AGAP4: variants seen among roughly 807,000 people sequenced by gnomAD.
AGAP4 encodes arf-GAP with GTPase, ANK repeat and PH domain-containing protein 4.
In AGAP4, 13 loss-of-function variants were observed where a neutral mutation model predicts 60.7. The ratio of observed to expected loss-of-function variants is 0.21; its 90% confidence interval spans 0.14 to 0.34. The LOEUF is 0.34. Ranked by LOEUF, AGAP4 falls within the 10% of genes least tolerant of loss-of-function variation. The probability of loss-of-function intolerance (pLI) is 1.00; values close to 1 mark genes in which losing one functional copy is unlikely to be tolerated. For synonymous variants in AGAP4, 70 were observed against 339.0 expected (o/e 0.21, Z 8.72); for missense variants, 169 against 884.0 (o/e 0.19, Z 10.26).
chr10:45,853,827 C>T, exon 1 of AGAP4: 2 of 1,283,910 alleles, frequency 1.6e-6, no homozygotes, highest in South Asian at 1.2e-5. Flanking sequence ...TTATGATCCT[C>T]TGCAGATGGG....
chr10:45,850,838 G>T (rs1286115460), upstream of AGAP4, among the ~76,000 whole-genome samples: 2 of 151,888 alleles, frequency 1.3e-5, no homozygotes, highest in Non-Finnish European at 2.9e-5. Flanking sequence ...TTTACTCTCA[G>T]TGTCACATTA....
At chr10:45,838,755 T>C (rs1369930217) in intron 4 of AGAP4, among the ~76,000 whole-genome samples, 2 of 151,596 alleles carry the variant, frequency 1.3e-5, no homozygotes, top group Non-Finnish European at 2.9e-5. Context: ...TTTAACCTTT[T>C]TGTAGATATG....
chr10:45,846,800 A>G (rs2059006418), intron 1 of AGAP4, 45 bp from the exon 2 acceptor site: 1 of 716,358 alleles, frequency 1.4e-6, no homozygotes, highest in South Asian at 1.9e-5. Context: ...AATCATTTAT[A>G]AAAATTTATC....
intron 4 of AGAP4, among the ~76,000 whole-genome samples, chr10:45,840,166 G>C (rs1373732269): frequency 6.8e-6 from 1 of 147,436 alleles, no homozygotes; most frequent in Admixed American, 6.7e-5. Context: ...AAAAGCTTCC[G>C]CAGATAACTA....
chr10:45,851,410 A>G (rs1249836347), upstream of AGAP4, among the ~76,000 whole-genome samples: 1 of 152,046 alleles, frequency 6.6e-6, no homozygotes, highest in African/African-American at 2.4e-5. Context: ...AACATGTATT[A>G]TCCCAATGCA....
chr10:45,839,549 T>G (rs1300161687), intron 4 of AGAP4, among the ~76,000 whole-genome samples: 1 of 129,674 alleles, frequency 7.7e-6, no homozygotes, highest in African/African-American at 2.8e-5. Context: ...CTGCTTTTCC[T>G]TTCCAGGCCT....
chr10:45,831,959 G>T (rs2058738928), intron 5 of AGAP4, among the ~76,000 whole-genome samples: 1 of 146,474 alleles, frequency 6.8e-6, no homozygotes, highest in Admixed American at 6.9e-5. Context: ...GCCCAGGCTG[G>T]AGTGCAATGG....
chr10:45,848,578 G>A (rs1419957273), upstream of AGAP4, among the ~76,000 whole-genome samples: 17,394 of 151,878 alleles, frequency 0.11, 1,132 homozygotes, highest in Non-Finnish European at 0.14. Flanking sequence ...AAGTTGTTGA[G>A]ACGGAGAAGG....
chr10:45,854,561 G>C (rs2059118346), upstream of AGAP4: 1 of 146,914 alleles, frequency 6.8e-6, no homozygotes, highest in African/African-American at 2.5e-5. Context: ...TTGAACCTGG[G>C]AGGCAGAGGT....
chr10:45,831,916 G>T (rs1208452794), intron 5 of AGAP4, among the ~76,000 whole-genome samples: 1 of 148,056 alleles, frequency 6.8e-6, no homozygotes, highest in African/African-American at 2.5e-5. Context: ...ATGTTTTTTT[G>T]GGGGGTGGGG....
At chr10:45,852,284 A>G (rs1554900552), upstream of AGAP4, among the ~76,000 whole-genome samples, 1 of 145,152 alleles carries the variant, frequency 6.9e-6, no homozygotes, top group Admixed American at 6.8e-5. Flanking sequence ...AAAAGTCTAC[A>G]CTTCTTGATA....
At chr10:45,844,532 A>C in intron 2 of AGAP4, 138 bp from the exon 3 acceptor site, 2 of 1,462,742 alleles carry the variant, frequency 1.4e-6, no homozygotes, top group Admixed American at 2.3e-5. Flanking sequence ...ATGTATAGAC[A>C]TAAGAGAGAG....
At chr10:45,853,517 T>G in intron 1 of AGAP4, 3 of 1,091,714 alleles carry the variant, frequency 2.7e-6, no homozygotes, top group Non-Finnish European at 3.5e-6. Context: ...CACAATGACA[T>G]GTCAGCCAAA....
In AGAP4 at chr10:45,826,607, G is replaced by A; in HGVS notation, c.1369C>T (p.Gln457Ter). ...QSCESSKSKS[Q>*]LTSQSKAMAL... ...ATGGCCTTGCTCTGGCTGGTCAGCTGGGACTTGCTTTTACTGCTCTCGCAT... is the reference window on the plus strand; with the variant it reads ...ATGGCCTTGCTCTGGCTGGTCAGCTAGGACTTGCTTTTACTGCTCTCGCAT... The change falls in exon 8 of 8, where the codon CAG (glutamine) becomes TAG (stop). Residue 457 changes from glutamine (Q) to a stop codon, truncating the protein, a stop_gained. Transcript: ENST00000616763. LOFTEE classifies it high-confidence loss of function. The A allele has an allele frequency of 7.2e-7, 1 of 1,397,218 alleles. No homozygotes were observed. Among genetic ancestry groups the A allele is most frequent in the Non-Finnish European group, 9.7e-7 (1 of 1,033,524 alleles). 86.6% of individuals were successfully genotyped at this position (1,397,218 alleles called of 1,614,324 possible). A position where few individuals can be genotyped will look rare whatever the true frequency, so the allele number is the denominator to read the frequency against.
upstream of AGAP4, among the ~76,000 whole-genome samples, chr10:45,849,541 T>C (rs1344911925): frequency 1.3e-5 from 2 of 151,138 alleles, no homozygotes; most frequent in Non-Finnish European, 2.9e-5. Context: ...TGAAATTGTT[T>C]CTCTAATTTC....
Position 45,845,329 on chromosome 10 carries a change from G to A in AGAP4, c.293-935C>T, listed in dbSNP as rs1381173621. Among the ~76,000 whole-genome samples the A allele has an allele frequency of 8.4e-5, 8 of 94,940 alleles. 2 individuals carry two copies. The highest frequency in any genetic ancestry group is 1.8e-4 in the African/African-American group (4 of 22,494). 62.3% of individuals were successfully genotyped at this position (94,940 alleles called of 152,430 possible). ...GAGCGCAACCAAAGTTTAAATAGAA[G>A]AGCTATAAGACATTTCCTCTACAGT... On this transcript the variant is annotated intron_variant, in intron 2 of 7. Coordinates refer to ENST00000616763, the MANE Select transcript of AGAP4 (RefSeq NM_001276343.3).
chr10:45,849,291 C>A (rs1320522366), upstream of AGAP4, among the ~76,000 whole-genome samples: 2 of 151,610 alleles, frequency 1.3e-5, no homozygotes, highest in African/African-American at 4.8e-5. Flanking sequence ...ACAAGAACAG[C>A]ATGAGGATAA....
rs1173501923 is a variant in AGAP4 at position 45,841,695 on chromosome 10, TAAAAAAA to T, written c.362-15_362-9del. On this transcript the variant is annotated splice_polypyrimidine_tract_variant and intron_variant, in intron 3 of 7. Coordinates refer to ENST00000616763, the MANE Select transcript of AGAP4 (RefSeq NM_001276343.3). The stretch of plus-strand genomic sequence containing the variant: ...TTCTTCTTATTTCTACAACTAAGAA[TAAAAAAA>T]AAAAAACTGGTCACTTCTGATACAA... The T allele has an allele frequency of 4.3e-5, 30 of 697,020 alleles. No homozygotes were observed. The highest frequency in any genetic ancestry group is 5.9e-5 in the Non-Finnish European group (28 of 477,968). The allele number at this position is 697,020 out of a possible 1,614,324, so 43.2% of individuals were successfully genotyped here. A position where few individuals can be genotyped will look rare whatever the true frequency, so the allele number is the denominator to read the frequency against.
chr10:45,853,071 C>A (rs1167928295), intron 1 of AGAP4, among the ~76,000 whole-genome samples: 1 of 151,870 alleles, frequency 6.6e-6, no homozygotes, highest in Non-Finnish European at 1.5e-5. Context: ...CTGTAATGAT[C>A]TTTTCTTAAG....
Sources: allele counts gnomAD v4.1 joint callset (sites outside exome capture counted in the v4.1 genomes callset), GRCh38; gene constraint gnomAD v4.1.1; transcripts MANE v1.5; gene names NCBI Gene and HGNC (gene_info 2026-07-23, HGNC 2026-07-21).